Variants in ATP8A2 observed in about 807,000 individuals in gnomAD.
ATP8A2 encodes phospholipid-transporting ATPase IB.
ATP8A2 carries 100 observed loss-of-function variants against 165.6 expected under a neutral mutation model. The observed-to-expected ratio is 0.60, with a 90% CI of 0.51 to 0.71. The LOEUF (loss-of-function observed/expected upper bound fraction) is 0.71, where lower values mean the gene tolerates loss of function less well. Ranked by LOEUF, ATP8A2 falls within the 30% of genes least tolerant of loss-of-function variation. The pLI is 0.00. For synonymous variants in ATP8A2, 543 were observed against 548.8 expected, an observed-to-expected ratio of 0.99 and a Z score of 0.15; for missense variants, 1,227 against 1,479.5, an observed-to-expected ratio of 0.83 and a Z score of 2.80.
At chr13:25,413,009 G>A (rs1025207120) in intron 1 of ATP8A2, among the ~76,000 whole-genome samples, 3 of 151,990 alleles carry the variant, frequency 2.0e-5, no homozygotes, top group Non-Finnish European at 4.4e-5. Context: ...GTGGAGACGG[G>A]GTTTCACCAT....
chr13:25,584,484 C>G (rs2039864525), intron 23 of ATP8A2, among the ~76,000 whole-genome samples: 1 of 151,606 alleles, frequency 6.6e-6, no homozygotes. Context: ...TCTAGCAGTT[C>G]TCCTTCTAGA....
chr13:26,006,308 GATTGTAC>G (rs1956734974), intron 35 of ATP8A2, among the ~76,000 whole-genome samples: 2 of 151,822 alleles, frequency 1.3e-5, no homozygotes, highest in African/African-American at 2.4e-5. Context: ...TTTCTTATCA[GATTGTAC>G]ATTGCTATTA....
At chr13:25,599,456 T>G (rs2040324245) in intron 24 of ATP8A2, among the ~76,000 whole-genome samples, 1 of 152,262 alleles carries the variant, frequency 6.6e-6, no homozygotes, top group African/African-American at 2.4e-5. Context: ...GAAAACAGTG[T>G]GTTTCATACA....
Position 25,685,277 on chromosome 13 carries a change from G to A in ATP8A2, c.2212-13896G>A, listed in dbSNP as rs570815009. Among the ~76,000 whole-genome samples, 4 of 152,272 alleles carry A rather than the reference G, an allele frequency of 2.6e-5. No individual in the cohort carries two copies. The East Asian group carries it at 7.7e-4, about 29-fold the overall frequency. On this transcript the variant is annotated intron_variant, in intron 24 of 36. Coordinates refer to ENST00000381655, the MANE Select transcript of ATP8A2 (RefSeq NM_016529.6). ...CAGGCCGATTAGATATATGGGTGTT[G>A]GCATAGTCTCTGAACTGGACTCCCT...
At position 25,528,839 on chromosome 13, in the gene ATP8A2, GTA is replaced by G. The variant is rs1455412977; in HGVS notation, c.222-1158_222-1157del. On this transcript the variant is annotated intron_variant, in intron 2 of 36. Transcript: ENST00000381655. ...GTGTATGCACACATATGCAACATGT[GTA>G]TGCACACATATGCAACATGTGTATG... Among the ~76,000 whole-genome samples the G allele has an allele frequency of 1.6e-3, 124 of 79,948 alleles. 3 individuals carry two copies. The highest frequency in any genetic ancestry group is 4.5e-3 in the African/African-American group (117 of 26,120). The allele number at this position is 79,948 out of a possible 152,430, so 52.4% of individuals were successfully genotyped here.
intron 2 of ATP8A2, among the ~76,000 whole-genome samples, chr13:25,511,928 C>T (rs1341538446): frequency 8.7e-5 from 13 of 149,234 alleles, no homozygotes; most frequent in South Asian, 2.1e-4. Flanking sequence ...GGGTGTTTCT[C>T]GCAGAGGGGG....
rs180725745 is a variant in ATP8A2, at chr13:25,900,344, G to C, written c.3183+37936G>C. On this transcript the variant is annotated intron_variant, in intron 33 of 36. Transcript: ENST00000381655. ...AGTTTTCAGCCCTCTGACATGAAAA[G>C]GTGCAGTGGAGGACACCAGAACCTC... Among the ~76,000 whole-genome samples the C allele has an allele frequency of 3.8e-4, 58 of 152,284 alleles. 1 individual carries two copies. The East Asian group carries it at 0.01, about 27-fold the overall frequency.
intron 35 of ATP8A2, among the ~76,000 whole-genome samples, chr13:26,011,237 A>G (rs1956840726): frequency 6.6e-6 from 1 of 152,180 alleles, no homozygotes; most frequent in South Asian, 2.1e-4. Context: ...GGAGGCTGGA[A>G]GTCCATACTC....
At chr13:26,007,393 G>A (rs1005811281) in intron 35 of ATP8A2, among the ~76,000 whole-genome samples, 7 of 152,118 alleles carry the variant, frequency 4.6e-5, no homozygotes, top group East Asian at 1.9e-4. Flanking sequence ...ATAAGCTCTG[G>A]TTCCTGTTTT....
chr13:25,380,885 G>A (rs1042081153), intron 1 of ATP8A2, among the ~76,000 whole-genome samples: 2 of 152,038 alleles, frequency 1.3e-5, no homozygotes, highest in Non-Finnish European at 2.9e-5. Flanking sequence ...GATTCCCCAA[G>A]TATTAAAAAA....
intron 25 of ATP8A2, among the ~76,000 whole-genome samples, chr13:25,757,501 C>CTG (rs1292517063): frequency 2.8e-4 from 17 of 60,704 alleles, no homozygotes; most frequent in Non-Finnish European, 2.8e-4. Flanking sequence ...TAACGATATA[C>CTG]TATGTGTGTG....
chr13:25,387,055 T>C (rs2033080962), intron 1 of ATP8A2, among the ~76,000 whole-genome samples: 1 of 152,206 alleles, frequency 6.6e-6, no homozygotes, highest in Non-Finnish European at 1.5e-5. Context: ...CTCTGGACTT[T>C]TCTGAAGATA....
chr13:25,702,982 C>G (rs1566062351), intron 25 of ATP8A2, among the ~76,000 whole-genome samples: 2 of 152,176 alleles, frequency 1.3e-5, no homozygotes, highest in Non-Finnish European at 2.9e-5. Context: ...CGTGTGCCTT[C>G]CATTTAATGT....
At chr13:25,784,442 G>A (rs971363262) in intron 27 of ATP8A2, among the ~76,000 whole-genome samples, 1 of 152,128 alleles carries the variant, frequency 6.6e-6, no homozygotes, top group Non-Finnish European at 1.5e-5. Flanking sequence ...AAGGCCTCTT[G>A]CATTCAGAGA....
At chr13:25,880,012 C>T (rs1239468268) in intron 33 of ATP8A2, among the ~76,000 whole-genome samples, 1 of 152,168 alleles carries the variant, frequency 6.6e-6, no homozygotes, top group Non-Finnish European at 1.5e-5. Flanking sequence ...GCTTGATACA[C>T]TTTAAAAAGG....
chr13:25,824,688 G>A (rs183691968), intron 27 of ATP8A2, among the ~76,000 whole-genome samples: 1 of 152,118 alleles, frequency 6.6e-6, no homozygotes, highest in East Asian at 1.9e-4. Context: ...TGTGTTATAG[G>A]TTTCTCTTGG....
chr13:25,659,587 G>A (rs1593153481), intron 24 of ATP8A2, among the ~76,000 whole-genome samples: 1 of 152,230 alleles, frequency 6.6e-6, no homozygotes, highest in African/African-American at 2.4e-5. Context: ...AGGCAAATAA[G>A]TGGGAAATCC....
chr13:25,644,758 A>G (rs906117960), intron 24 of ATP8A2, among the ~76,000 whole-genome samples: 4 of 151,888 alleles, frequency 2.6e-5, no homozygotes, highest in African/African-American at 9.7e-5. Flanking sequence ...TAGATTTTCT[A>G]TTTTTCGTGA....
At chr13:25,589,571 G>T in intron 23 of ATP8A2, 64 bp from the exon 24 acceptor site, 2 of 1,267,674 alleles carry the variant, frequency 1.6e-6, no homozygotes, top group Non-Finnish European at 2.3e-6. Context: ...AACCAAGGAG[G>T]TTGAATTTAA....
Sources: allele counts gnomAD v4.1 joint callset (sites outside exome capture counted in the v4.1 genomes callset), GRCh38; gene constraint gnomAD v4.1.1; transcripts MANE v1.5; gene names NCBI Gene and HGNC (gene_info 2026-07-23, HGNC 2026-07-21).